GCAT: variants seen among roughly 807,000 people sequenced by gnomAD.
GCAT encodes 2-amino-3-ketobutyrate coenzyme A ligase, mitochondrial.
GCAT carries 26 observed loss-of-function variants against 39.7 expected under a neutral mutation model. That is an observed-to-expected ratio of 0.65 (90% CI 0.48 to 0.91). The LOEUF is 0.91. Among genes scored for constraint, GCAT ranks in the 40% least tolerant of loss-of-function variants. GCAT has a pLI of 0.00. For missense variants in GCAT, 550 were observed against 576.2 expected (o/e 0.95, Z 0.47); for synonymous variants, 218 against 237.2 (o/e 0.92, Z 0.74).
chr22:37,813,651 A>G (rs771478776), intron 4 of GCAT, 42 bp downstream of exon 4: 2 of 1,549,630 alleles, frequency 1.3e-6, no homozygotes, highest in Non-Finnish European at 1.7e-6. Context: ...CCGCCTGGGG[A>G]AGGAAGTGAG....
chr22:37,810,088 G>A lies in GCAT; in HGVS notation c.258G>A (p.Gln86=). 1 of 1,614,184 alleles carries A rather than the reference G, an allele frequency of 6.2e-7. No homozygotes were observed. The highest frequency in any genetic ancestry group is 8.5e-7 in the Non-Finnish European group (1 of 1,179,998). Residue 86 remains glutamine, a synonymous_variant, in exon 2 of 9, where the codon CAG becomes CAA. Coordinates refer to ENST00000248924, the MANE Select transcript of GCAT (RefSeq NM_014291.4). ...TGAGCAGCCACCCTGAGGTGATCCAGGCAGGTCTGCAGGCTCTGGAGGAGT... is the reference window on the plus strand; with the variant it reads ...TGAGCAGCCACCCTGAGGTGATCCAAGCAGGTCTGCAGGCTCTGGAGGAGT... ...LGLSSHPEVI[Q]AGLQALEEFG... is the part of the protein sequence containing the mutation.
Position 37,815,732 on chromosome 22 carries a change from C to T in GCAT, c.884C>T (p.Ser295Phe), listed in dbSNP as rs147614585. Residue 295 changes from serine (S) to phenylalanine (F), a missense_variant, in exon 7 of 9, where the codon TCC (serine) becomes TTC (phenylalanine). This residue lies in a region of GCAT where 378 missense variants were observed against 390.4 expected (regional missense o/e 0.97). Transcript: ENST00000248924. ...LRQRARPYLF[S>F]NSLPPAVVGC... ...CAGCGCGCCCGGCCATACCTCTTCT[C>T]CAACAGTCTGCCACCTGCTGTCGTT... The T allele has an allele frequency of 2.5e-6, 4 of 1,613,894 alleles. No homozygotes were observed. The highest frequency in any genetic ancestry group is 3.4e-6 in the Non-Finnish European group (4 of 1,179,960).
In GCAT at chr22:37,815,302, G is replaced by A. The variant is rs748297805; in HGVS notation, c.731+22G>A. The stretch of plus-strand genomic sequence containing the variant: ...GACGGTGGGACCATGTGGCACCTGA[G>A]GCCTGGGGTGGGGCTTCTGAGGGTG... On this transcript the variant is annotated intron_variant, in intron 5 of 8. Transcript: ENST00000248924. The A allele has an allele frequency of 5.0e-6, 8 of 1,609,888 alleles. No homozygotes were observed. In the Admixed American group the frequency reaches 1.2e-4, roughly 24 times the overall value.
At chr22:37,814,905 G>A (rs1430274714) in intron 4 of GCAT, among the ~76,000 whole-genome samples, 1 of 152,212 alleles carries the variant, frequency 6.6e-6, no homozygotes, top group Non-Finnish European at 1.5e-5. Flanking sequence ...ACTGAGATGT[G>A]AGCCCATTCT....
chr22:37,810,705 C>T (rs550714252), intron 2 of GCAT, among the ~76,000 whole-genome samples: 4 of 152,014 alleles, frequency 2.6e-5, no homozygotes, highest in South Asian at 2.1e-4. Context: ...TTAGTAGAGA[C>T]GGGGTTTCAC....
At chr22:37,808,211 G>C in intron 1 of GCAT, 48 bp downstream of exon 1, 2 of 1,393,634 alleles carry the variant, frequency 1.4e-6, no homozygotes, top group South Asian at 1.5e-5. Context: ...CCGAGCTTGC[G>C]CTGGAATGGA....
At chr22:37,811,023 G>A (rs1169910052) in intron 2 of GCAT, among the ~76,000 whole-genome samples, 3 of 152,280 alleles carry the variant, frequency 2.0e-5, no homozygotes, top group Middle Eastern at 3.4e-3. Flanking sequence ...GAGACTAAGG[G>A]CTCTGGGGCT....
intron 7 of GCAT, 76 bp downstream of exon 7, chr22:37,815,910 A>T: frequency 6.5e-7 from 1 of 1,545,674 alleles, no homozygotes; most frequent in Non-Finnish European, 8.8e-7. Flanking sequence ...GCCCAGGCCC[A>T]CAGACAGCTC....
At chr22:37,815,309 G>A (rs1922042529) in intron 5 of GCAT, 29 bp downstream of exon 5, 1 of 1,608,884 alleles carries the variant, frequency 6.2e-7, no homozygotes, top group African/African-American at 1.3e-5. Context: ...TGAGGCCTGG[G>A]GTGGGGCTTC....
chr22:37,813,911 A>C (rs1053640304), intron 4 of GCAT, among the ~76,000 whole-genome samples: 2 of 151,904 alleles, frequency 1.3e-5, no homozygotes, highest in Non-Finnish European at 2.9e-5. Flanking sequence ...GATTACAGGC[A>C]TCCGCCACCC....
chr22:37,816,241 G>A lies in GCAT; in HGVS notation c.1028G>A (p.Gly343Glu). 1 of 1,613,384 alleles carries A rather than the reference G, an allele frequency of 6.2e-7. No individual in the cohort carries two copies. The highest frequency in any genetic ancestry group is 8.5e-7 in the Non-Finnish European group (1 of 1,179,944). ...KMEAAGFTIS[G>E]ASHPICPVML... Reference sequence around the variant, plus strand: ...GAAGCTGCTGGCTTCACTATCTCGGGAGCCAGTCACCCCATCTGCCCTGTG... The same window carrying A: ...GAAGCTGCTGGCTTCACTATCTCGGAAGCCAGTCACCCCATCTGCCCTGTG... Residue 343 changes from glycine to glutamate, a missense_variant, in exon 8 of 9, where the codon GGA (glycine) becomes GAA (glutamate). Coordinates refer to ENST00000248924, the MANE Select transcript of GCAT (RefSeq NM_014291.4).
rs781420375 is a variant in GCAT at position 37,815,673 on chromosome 22, G to A, written c.825G>A (p.Thr275=). ...KALGGASGGY[T]TGPGPLVSLL... is the part of the protein sequence containing the mutation. ...TTCCCTTCTTCTCAGGGGGCTACAC[G>A]ACAGGGCCTGGGCCCCTGGTGTCCC... is the stretch of plus-strand genomic sequence containing the variant. Residue 275 remains threonine (T), a synonymous_variant, in exon 7 of 9, where the codon ACG becomes ACA. Transcript: ENST00000248924. 25 of 1,610,944 alleles carry A rather than the reference G, an allele frequency of 1.6e-5. 1 individual carries two copies. Among genetic ancestry groups the A allele is most frequent in the Middle Eastern group, 1.8e-4 (1 of 5,678 alleles).
At chr22:37,813,676 A>G in intron 4 of GCAT, 67 bp downstream of exon 4, 2 of 1,413,632 alleles carry the variant, frequency 1.4e-6, no homozygotes, top group South Asian at 1.4e-5. Context: ...AGAGAGGCCA[A>G]CTCCTCACTC....
At chr22:37,814,324 C>T (rs750481407) in intron 4 of GCAT, among the ~76,000 whole-genome samples, 1 of 151,856 alleles carries the variant, frequency 6.6e-6, no homozygotes, top group Non-Finnish European at 1.5e-5. Flanking sequence ...AGTGCAATGG[C>T]GTGATCTCAG....
At position 37,816,380 on chromosome 22, in the gene GCAT, C is replaced by T. The variant is rs1007553316; in HGVS notation, c.1108+59C>T. ...GTCCTGAGAGAAGAGAAAGGGAAACCCCTAGACTGTGACCCAGCCCCGTAC... is the reference window on the plus strand; with the variant it reads ...GTCCTGAGAGAAGAGAAAGGGAAACTCCTAGACTGTGACCCAGCCCCGTAC... On this transcript the variant is annotated intron_variant, in intron 8 of 8. Transcript: ENST00000248924. 4.4e-6 allele frequency: 7 copies of T among 1,587,668 alleles called. No individual in the cohort carries two copies. The African/African-American group carries it at 5.4e-5, about 12-fold the overall frequency.
chr22:37,816,453 C>T lies in GCAT; in HGVS notation c.1109-114C>T, dbSNP rs1424707884. The T allele has an allele frequency of 8.5e-6, 13 of 1,521,120 alleles. No individual in the cohort carries two copies. In the South Asian group the frequency reaches 1.2e-4, roughly 14 times the overall value. The allele number at this position is 1,521,120 out of a possible 1,614,324, so 94.2% of individuals were successfully genotyped here. On this transcript the variant is annotated intron_variant, in intron 8 of 8. Coordinates refer to ENST00000248924, the MANE Select transcript of GCAT (RefSeq NM_014291.4). ...GGCCAGCTGTCTGTCTAAGCTTGAA[C>T]ACCCCAAGCCATGAGGCAGTCCCGA...
chr22:37,815,904 A>G (rs747454398), intron 7 of GCAT, 70 bp downstream of exon 7: 275 of 1,563,924 alleles, frequency 1.8e-4, no homozygotes, highest in Non-Finnish European at 2.2e-4. Context: ...GTGTCTGCCC[A>G]GGCCCACAGA....
chr22:37,814,997 G>A, intron 4 of GCAT, 129 bp from the exon 5 acceptor site: 1 of 796,646 alleles, frequency 1.3e-6, no homozygotes, highest in Non-Finnish European at 2.0e-6. Flanking sequence ...CCAAGATGGT[G>A]GTACCTCTGT....
chr22:37,812,636 C>T (rs572714078), intron 2 of GCAT, among the ~76,000 whole-genome samples: 1 of 152,308 alleles, frequency 6.6e-6, no homozygotes, highest in African/African-American at 2.4e-5. Flanking sequence ...CCCGTAATTC[C>T]ACCATTAGAC....
Sources: allele counts gnomAD v4.1 joint callset (sites outside exome capture counted in the v4.1 genomes callset), GRCh38; gene constraint gnomAD v4.1.1; regional missense constraint gnomAD v4.1.1; transcripts MANE v1.5; gene names NCBI Gene and HGNC (gene_info 2026-07-23, HGNC 2026-07-21).